GLI2: variants seen among roughly 807,000 people sequenced by gnomAD.
The protein encoded by GLI2 is transcription activator GLI2.
A neutral mutation model predicts 78.9 loss-of-function variants in GLI2; 22 were observed. The observed-to-expected ratio is 0.28, with a 90% CI of 0.20 to 0.40. GLI2 has a LOEUF of 0.40. GLI2 is among the 10% of genes least tolerant of loss of function. GLI2 has a pLI of 1.00. For synonymous variants in GLI2, 974 were observed against 963.7 expected (o/e 1.01, Z -0.20); for missense variants, 2,097 against 2,213.2 (o/e 0.95, Z 1.05).
Position 120,978,536 on chromosome 2 carries a change from G to C in GLI2, c.1420G>C (p.Val474Leu), listed in dbSNP as rs1186982779. The C allele has an allele frequency of 6.2e-7, 1 of 1,614,110 alleles. No homozygotes were observed. Among genetic ancestry groups the C allele is most frequent in the Non-Finnish European group, 8.5e-7 (1 of 1,180,020 alleles). ...GCCCTTCAAGGCGCAGTACATGCTGGTGGTGCACATGCGGCGACACACGGG... is the reference window on the plus strand; with the variant it reads ...GCCCTTCAAGGCGCAGTACATGCTGCTGGTGCACATGCGGCGACACACGGG... Reference protein sequence around the residue: ...QKPFKAQYMLVVHMRRHTGEK... With the variant: ...QKPFKAQYMLLVHMRRHTGEK... Residue 474 changes from valine (V) to leucine (L), a missense_variant, in exon 10 of 14, where the codon GTG becomes CTG. Val to Leu is a conservative substitution (Grantham distance 32). Coordinates refer to ENST00000361492, the MANE Select transcript of GLI2 (RefSeq NM_001374353.1).
intron 2 of GLI2, among the ~76,000 whole-genome samples, chr2:120,855,931 A>G (rs1573486970): frequency 6.6e-6 from 1 of 152,280 alleles, no homozygotes; most frequent in African/African-American, 2.4e-5. Context: ...AAGGAAAATC[A>G]GTTACCCTAT....
chr2:120,970,057 G>A (rs1026195111), intron 6 of GLI2, among the ~76,000 whole-genome samples: 1 of 152,176 alleles, frequency 6.6e-6, no homozygotes, highest in Non-Finnish European at 1.5e-5. Context: ...TGGGTTTCAC[G>A]TAGTCAGGGA....
chr2:120,772,329 G>C (rs529855078), intron 1 of GLI2, among the ~76,000 whole-genome samples: 3 of 152,268 alleles, frequency 2.0e-5, no homozygotes, highest in African/African-American at 7.2e-5. Context: ...AGCTCCCCAA[G>C]ACTCAGCACC....
Position 120,797,273 on chromosome 2 carries a change from CTT to C in GLI2, c.-30-16_-30-15del, listed in dbSNP as rs766011157. 3.1e-6 allele frequency: 5 copies of C among 1,607,628 alleles called. No individual in the cohort carries two copies. The African/African-American group carries it at 6.7e-5, about 21-fold the overall frequency. On this transcript the variant is annotated splice_polypyrimidine_tract_variant and intron_variant, in intron 1 of 13. Coordinates refer to ENST00000361492, the MANE Select transcript of GLI2 (RefSeq NM_001374353.1). The stretch of plus-strand genomic sequence containing the variant: ...GTTTGGGCTCAGTGTTGGTGAGTGT[CTT>C]TGTCTTCTCTTTTAGGATTGCCACC...
intron 1 of GLI2, among the ~76,000 whole-genome samples, chr2:120,777,106 G>C (rs1683702202): frequency 6.6e-6 from 1 of 152,190 alleles, no homozygotes; most frequent in African/African-American, 2.4e-5. Context: ...TTGCGTGAGT[G>C]TGTGTATGAT....
intron 5 of GLI2, among the ~76,000 whole-genome samples, chr2:120,962,930 C>T (rs558629666): frequency 1.3e-5 from 2 of 152,132 alleles, no homozygotes; most frequent in African/African-American, 2.4e-5. Context: ...CTCACATTAC[C>T]GTATTTGCCA....
At chr2:120,788,678 C>T (rs999125983) in intron 1 of GLI2, among the ~76,000 whole-genome samples, 5 of 152,176 alleles carry the variant, frequency 3.3e-5, no homozygotes. Flanking sequence ...ACCAGCAGGC[C>T]CAGGAGCTGG....
chr2:120,911,601 C>T lies in GLI2; in HGVS notation c.149-15760C>T, dbSNP rs114369291. Among the ~76,000 whole-genome samples, 930 of 152,332 alleles carry T rather than the reference C, an allele frequency of 6.1e-3. 2 individuals are homozygous for T. The highest frequency in any genetic ancestry group is 0.01 in the Middle Eastern group (3 of 294). ...TGTTTTCCAATAGTGGGAGGATTCA[C>T]TCATTCATGTATTCATTCATTCACT... On this transcript the variant is annotated intron_variant, in intron 2 of 13. Coordinates refer to ENST00000361492, the MANE Select transcript of GLI2 (RefSeq NM_001374353.1).
chr2:120,749,794 A>T (rs1682808556), intron 1 of GLI2, among the ~76,000 whole-genome samples: 2 of 152,214 alleles, frequency 1.3e-5, no homozygotes, highest in Non-Finnish European at 2.9e-5. Flanking sequence ...GGAAGTGCAC[A>T]TGTCTTTAAA....
chr2:120,897,494 T>C (rs949870666), intron 2 of GLI2, among the ~76,000 whole-genome samples: 1 of 152,200 alleles, frequency 6.6e-6, no homozygotes, highest in Non-Finnish European at 1.5e-5. Flanking sequence ...GAGGAGTAAA[T>C]GTGTTACTTT....
At chr2:120,818,766 A>C (rs1216031556) in intron 2 of GLI2, among the ~76,000 whole-genome samples, 2 of 152,218 alleles carry the variant, frequency 1.3e-5, no homozygotes, top group Non-Finnish European at 2.9e-5. Context: ...ATTCTGTTTC[A>C]TTCAAAAGGC....
intron 1 of GLI2, among the ~76,000 whole-genome samples, chr2:120,790,978 G>A (rs13417667): frequency 0.014 from 2,192 of 152,208 alleles, 50 homozygotes; most frequent in African/African-American, 0.049. Context: ...ATGCTGGGAA[G>A]GCTGACTGTC....
intron 2 of GLI2, among the ~76,000 whole-genome samples, chr2:120,819,911 G>T (rs2104745369): frequency 6.6e-6 from 1 of 152,276 alleles, no homozygotes; most frequent in Admixed American, 6.5e-5. Context: ...CTTGGAGGAG[G>T]CCAGACCCAG....
rs202203798 is a variant in GLI2, at chr2:120,990,609, C to T, written c.4644C>T (p.Val1548=). 48 of 1,613,710 alleles carry T rather than the reference C, an allele frequency of 3.0e-5. No individual in the cohort carries two copies. In the African/African-American group the frequency reaches 4.4e-4, roughly 15 times the overall value. The change falls in exon 14 of 14, where the codon GTC becomes GTT. Residue 1548 remains valine, a synonymous_variant. Transcript: ENST00000361492. ...CCGCAGGCATCAGCAACATGGCTGT[C>T]GGGGACATGAGCTCCATGCTCACCA... The part of the protein sequence containing the change: ...SIPAGISNMA[V]GDMSSMLTSL...
At chr2:120,893,291 G>A (rs1018728116) in intron 2 of GLI2, among the ~76,000 whole-genome samples, 2 of 152,182 alleles carry the variant, frequency 1.3e-5, no homozygotes, top group African/African-American at 4.8e-5. Flanking sequence ...GCCCCTGAAG[G>A]GAGAGTTCTT....
chr2:120,981,662 A>G (rs2105060931), intron 10 of GLI2, among the ~76,000 whole-genome samples: 1 of 152,342 alleles, frequency 6.6e-6, no homozygotes, highest in South Asian at 2.1e-4. Flanking sequence ...GGAATGAGAC[A>G]GCTCCTGCCG....
intron 1 of GLI2, among the ~76,000 whole-genome samples, chr2:120,743,265 G>A (rs1287953601): frequency 2.0e-5 from 3 of 152,160 alleles, no homozygotes; most frequent in Non-Finnish European, 4.4e-5. Context: ...GAAGGGTAAA[G>A]GGCTCTGATG....
At chr2:120,761,145 G>C (rs1683200591) in intron 1 of GLI2, among the ~76,000 whole-genome samples, 1 of 152,206 alleles carries the variant, frequency 6.6e-6, no homozygotes, top group Admixed American at 6.5e-5. Context: ...GAAAAAGACA[G>C]GTGGCTAGGG....
At chr2:120,794,782 G>T (rs1684308840) in intron 1 of GLI2, among the ~76,000 whole-genome samples, 3 of 152,218 alleles carry the variant, frequency 2.0e-5, no homozygotes, top group Admixed American at 6.5e-5. Flanking sequence ...ACTCTTAAGG[G>T]GCGGATTTTA....
Sources: allele counts gnomAD v4.1 joint callset (sites outside exome capture counted in the v4.1 genomes callset), GRCh38; gene constraint gnomAD v4.1.1; transcripts MANE v1.5; gene names NCBI Gene and HGNC (gene_info 2026-07-23, HGNC 2026-07-21).